FANCB: variants seen among roughly 807,000 people sequenced by gnomAD.
FANCB encodes FA complementation group B.
In FANCB, 5 loss-of-function variants were observed where a neutral mutation model predicts 38.9. That is an observed-to-expected ratio of 0.13 (90% CI 0.07 to 0.27). The LOEUF is 0.27. Among genes scored for constraint, FANCB ranks in the 10% least tolerant of loss-of-function variants. The pLI, the probability that FANCB is intolerant of heterozygous loss-of-function variation, is 1.00. For synonymous variants in FANCB, 236 were observed against 215.4 expected (o/e 1.10, Z -0.84); for missense variants, 573 against 602.7 (o/e 0.95, Z 0.52).
At chrX:14,707,564 CCCACCCT>C in the FANCB span, among the ~76,000 whole-genome samples, 13 of 67,838 alleles carry the variant, frequency 1.9e-4, no homozygotes, top group East Asian at 6.2e-4. Context: ...TAACCCACCC[CCCACCCT>C]CCACCCTCTA....
chrX:14,748,366 G>A, the FANCB span, among the ~76,000 whole-genome samples: 7 of 59,702 alleles, frequency 1.2e-4, no homozygotes, highest in African/African-American at 5.9e-4. Flanking sequence ...CTGCAGTCCT[G>A]GACAGCACTT....
the FANCB span, among the ~76,000 whole-genome samples, chrX:14,785,092 G>T: frequency 9.0e-6 from 1 of 111,730 alleles, no homozygotes; most frequent in African/African-American, 3.3e-5. Context: ...GTGATGGGTT[G>T]TAAGTGCAGC....
At position 14,843,816 on chromosome X, in the gene FANCB, T is replaced by A; in HGVS notation, c.2331A>T (p.Ile777=). 1 of 1,210,706 alleles carries A rather than the reference T, an allele frequency of 8.3e-7. No homozygotes were observed. The highest frequency in any genetic ancestry group is 1.1e-6 in the Non-Finnish European group (1 of 894,687). The change falls in exon 10 of 10, where the codon ATA becomes ATT. Residue 777 remains isoleucine (I), a synonymous_variant. Transcript: ENST00000650831. ...GCATAAAATTGCTTTCATGTTTAGC[T>A]ATGGCAGAAGAAAGAGAACTAAGGG... is the stretch of plus-strand genomic sequence containing the variant. ...LVTLSSLSSA[I]AKHESNFMQR... is the part of the protein sequence containing the mutation.
At chrX:14,801,683 G>A in the FANCB span, among the ~76,000 whole-genome samples, 1 of 110,826 alleles carries the variant, frequency 9.0e-6, no homozygotes, top group Non-Finnish European at 1.9e-5. Flanking sequence ...ATATCCTTCT[G>A]GGGATCGTGT....
the FANCB span, among the ~76,000 whole-genome samples, chrX:14,711,183 T>A: frequency 8.9e-6 from 1 of 112,540 alleles, no homozygotes; most frequent in Non-Finnish European, 1.9e-5. Context: ...TCTATTCTTG[T>A]TCCTTTTATG....
At chrX:14,716,991 GCCT>G in the FANCB span, among the ~76,000 whole-genome samples, 1 of 110,408 alleles carries the variant, frequency 9.1e-6, no homozygotes, top group African/African-American at 3.3e-5. Flanking sequence ...TCAAAAATAT[GCCT>G]CCTATTATAC....
chrX:14,695,472 C>A, the FANCB span, among the ~76,000 whole-genome samples: 1,091 of 112,099 alleles, frequency 9.7e-3, 4 homozygotes, highest in Non-Finnish European at 0.016. Context: ...AAATTCAAAG[C>A]AAAGGGTCAG....
chrX:14,796,661 T>TACACACAC, the FANCB span, among the ~76,000 whole-genome samples: 3 of 87,585 alleles, frequency 3.4e-5, no homozygotes, highest in Non-Finnish European at 6.5e-5. Context: ...AGTGCATATA[T>TACACACAC]ACACACACAC....
intron 3 of FANCB, among the ~76,000 whole-genome samples, chrX:14,859,755 G>A (rs2092438766): frequency 8.9e-6 from 1 of 111,834 alleles, no homozygotes; most frequent in African/African-American, 3.3e-5. Context: ...AAGTCTTAGT[G>A]TATATGTATT....
In FANCB at chrX:14,868,932, G is replaced by A. The variant is rs984966815; in HGVS notation, c.-80C>T. On this transcript the variant is annotated 5_prime_UTR_variant, in exon 2 of 10. Transcript: ENST00000650831. ...GAAGTCATTGGCTTACTGGTTTGTT[G>A]TTAGGCAATTAACAGAAAGATCTGG... The A allele has an allele frequency of 8.9e-6, 1 of 111,880 alleles. No individual in the cohort carries two copies. The highest frequency in any genetic ancestry group is 9.5e-5 in the Admixed American group (1 of 10,573). 9.2% of individuals were successfully genotyped at this position (111,880 alleles called of 1,213,427 possible).
chrX:14,834,698 T>C (rs2092336567), downstream of FANCB: 6 of 721,098 alleles, frequency 8.3e-6, no homozygotes, highest in South Asian at 1.3e-4. Context: ...TTTATCTTGG[T>C]GTTGATGATG....
the FANCB span, among the ~76,000 whole-genome samples, chrX:14,712,729 A>C: frequency 1.8e-5 from 2 of 110,833 alleles, no homozygotes; most frequent in African/African-American, 6.6e-5. Flanking sequence ...ATGGGACTTA[A>C]CATGAAGTTC....
At chrX:14,792,307 T>C in the FANCB span, among the ~76,000 whole-genome samples, 3 of 111,051 alleles carry the variant, frequency 2.7e-5, no homozygotes, top group Non-Finnish European at 3.8e-5. Context: ...CTGAATAAAT[T>C]TGATCTGAAA....
At chrX:14,863,296 T>C (rs945992283) in intron 3 of FANCB, among the ~76,000 whole-genome samples, 2 of 112,469 alleles carry the variant, frequency 1.8e-5, no homozygotes, top group African/African-American at 6.5e-5. Flanking sequence ...TCATTGAGCT[T>C]CTAATTAAAT....
the FANCB span, among the ~76,000 whole-genome samples, chrX:14,757,227 G>T: frequency 8.9e-6 from 1 of 111,977 alleles, no homozygotes; most frequent in Non-Finnish European, 1.9e-5. Flanking sequence ...TACATCCCAC[G>T]GAATGGAAAT....
the FANCB span, among the ~76,000 whole-genome samples, chrX:14,788,550 T>A: frequency 8.9e-6 from 1 of 111,769 alleles, no homozygotes; most frequent in Non-Finnish European, 1.9e-5. Context: ...TTGACATCTC[T>A]CTCTAGGGTT....
At chrX:14,754,014 GCCCCCT>G in the FANCB span, among the ~76,000 whole-genome samples, 1 of 112,206 alleles carries the variant, frequency 8.9e-6, no homozygotes, top group South Asian at 3.6e-4. Flanking sequence ...GCCAATGTTT[GCCCCCT>G]CCCCCTCCAT....
intron 7 of FANCB, among the ~76,000 whole-genome samples, chrX:14,845,989 A>G (rs1312175504): frequency 8.9e-6 from 1 of 112,020 alleles, no homozygotes; most frequent in African/African-American, 3.2e-5. Context: ...CCTTTAATAC[A>G]GGAATTTGAC....
Position 14,843,649 on chromosome X carries a change from G to A in FANCB, c.2498C>T (p.Ala833Val). ...TTTCAAAGTTATTTCTCTGTAAAGG[G>A]CACCACTCACTTTTAGGTTCGTTTG... is the stretch of plus-strand genomic sequence containing the variant. Reference protein sequence around the residue: ...MLQTNLKVSGALYREITLKVA... With the variant: ...MLQTNLKVSGVLYREITLKVA... Residue 833 changes from alanine to valine, a missense_variant, in exon 10 of 10, where the codon GCC (alanine) becomes GTC (valine). Coordinates refer to ENST00000650831, the MANE Select transcript of FANCB (RefSeq NM_001018113.3). The A allele has an allele frequency of 8.3e-7, 1 of 1,209,043 alleles. No homozygotes were observed. Among genetic ancestry groups the A allele is most frequent in the Non-Finnish European group, 1.1e-6 (1 of 893,410 alleles).
Sources: allele counts gnomAD v4.1 joint callset (sites outside exome capture counted in the v4.1 genomes callset), GRCh38; gene constraint gnomAD v4.1.1; transcripts MANE v1.5; gene names NCBI Gene and HGNC (gene_info 2026-07-23, HGNC 2026-07-21).